ANKRD6: variants seen among roughly 807,000 people sequenced by gnomAD.
The protein encoded by ANKRD6 is ankyrin repeat domain-containing protein 6.
ANKRD6 carries 56 observed loss-of-function variants against 82.3 expected under a neutral mutation model. That is an observed-to-expected ratio of 0.68 (90% CI 0.55 to 0.85). The LOEUF (loss-of-function observed/expected upper bound fraction) is 0.85, where lower values mean the gene tolerates loss of function less well. Among genes scored for constraint, ANKRD6 ranks in the 40% least tolerant of loss-of-function variants. The pLI is 0.00. For synonymous variants in ANKRD6, 347 were observed against 352.1 expected, an observed-to-expected ratio of 0.99 and a Z score of 0.16; for missense variants, 852 against 907.6, an observed-to-expected ratio of 0.94 and a Z score of 0.79.
intron 1 of ANKRD6, among the ~76,000 whole-genome samples, chr6:89,535,479 G>T (rs568320610): frequency 2.0e-5 from 3 of 152,254 alleles, no homozygotes; most frequent in Non-Finnish European, 4.4e-5. Context: ...CAAAAATACT[G>T]TGCTTTGGAT....
At chr6:89,469,834 C>T (rs1775245679) in intron 1 of ANKRD6, among the ~76,000 whole-genome samples, 1 of 152,200 alleles carries the variant, frequency 6.6e-6, no homozygotes, top group Non-Finnish European at 1.5e-5. Context: ...AGCCTGTGCT[C>T]AGTGTGACAT....
At chr6:89,601,664 GAAC>G (rs1181317649) in intron 3 of ANKRD6, 14 of 152,096 alleles carry the variant, frequency 9.2e-5, no homozygotes. Context: ...TTTACTGTCT[GAAC>G]ATATTTACGT....
At chr6:89,446,490 G>A (rs1401711295) in intron 1 of ANKRD6, among the ~76,000 whole-genome samples, 1 of 152,210 alleles carries the variant, frequency 6.6e-6, no homozygotes, top group Non-Finnish European at 1.5e-5. Flanking sequence ...AGTGAGGCAG[G>A]CATGTCAAAA....
At chr6:89,518,343 G>A (rs887423870) in intron 1 of ANKRD6, among the ~76,000 whole-genome samples, 2 of 151,842 alleles carry the variant, frequency 1.3e-5, no homozygotes, top group Non-Finnish European at 2.9e-5. Flanking sequence ...TAGAGGTGGC[G>A]GTGAGCCGAG....
At chr6:89,496,411 A>T (rs546396697) in intron 1 of ANKRD6, among the ~76,000 whole-genome samples, 2 of 152,260 alleles carry the variant, frequency 1.3e-5, no homozygotes, top group East Asian at 3.9e-4. Flanking sequence ...AAACACAGAG[A>T]TGTGGGCAGA....
intron 1 of ANKRD6, among the ~76,000 whole-genome samples, chr6:89,440,325 G>C (rs1051340310): frequency 2.0e-5 from 3 of 152,294 alleles, no homozygotes; most frequent in Non-Finnish European, 4.4e-5. Context: ...CGAATTGTAG[G>C]AAGGCAAATA....
At chr6:89,553,564 G>A (rs564685838) in intron 1 of ANKRD6, among the ~76,000 whole-genome samples, 65 of 152,236 alleles carry the variant, frequency 4.3e-4, no homozygotes, top group African/African-American at 1.5e-3. Flanking sequence ...TTAATTCCCC[G>A]CTAGCAGAGC....
At chr6:89,613,723 TC>T in intron 6 of ANKRD6, 68 bp from the exon 7 acceptor site, 1 of 1,406,310 alleles carries the variant, frequency 7.1e-7, no homozygotes, top group South Asian at 1.2e-5. Context: ...AATAACATTT[TC>T]TTTCTACTTT....
chr6:89,492,884 G>C (rs1415896908), intron 1 of ANKRD6, among the ~76,000 whole-genome samples: 1 of 152,166 alleles, frequency 6.6e-6, no homozygotes, highest in Non-Finnish European at 1.5e-5. Flanking sequence ...AATAGCCGGT[G>C]AAAGTCTTGT....
At chr6:89,626,874 G>A (rs1805858052) in intron 13 of ANKRD6, among the ~76,000 whole-genome samples, 1 of 152,318 alleles carries the variant, frequency 6.6e-6, no homozygotes, top group African/African-American at 2.4e-5. Context: ...ACGTACTTTA[G>A]CTACTTCCAA....
chr6:89,440,672 C>T (rs1771259143), intron 1 of ANKRD6, among the ~76,000 whole-genome samples: 1 of 152,028 alleles, frequency 6.6e-6, no homozygotes, highest in Non-Finnish European at 1.5e-5. Flanking sequence ...ACCTGTAGTC[C>T]CAGCTACTTG....
At chr6:89,543,207 C>T (rs1345924509) in intron 1 of ANKRD6, among the ~76,000 whole-genome samples, 1 of 152,092 alleles carries the variant, frequency 6.6e-6, no homozygotes, top group East Asian at 1.9e-4. Context: ...GTGATGGCTG[C>T]CAGCTATTAT....
chr6:89,607,482 C>T (rs1799006872), intron 5 of ANKRD6, among the ~76,000 whole-genome samples: 1 of 152,044 alleles, frequency 6.6e-6, no homozygotes, highest in Non-Finnish European at 1.5e-5. Context: ...TAGTACATGT[C>T]CCAGTGCTTA....
intron 8 of ANKRD6, 63 bp from the exon 9 acceptor site, chr6:89,617,891 C>A: frequency 1.3e-6 from 2 of 1,513,084 alleles, no homozygotes; most frequent in Non-Finnish European, 1.8e-6. Context: ...GCTGTGCCAG[C>A]TGGGCTATGT....
Position 89,630,615 on chromosome 6 carries a change from C to T in ANKRD6, c.1795C>T (p.Pro599Ser). Residue 599 changes from proline to serine, a missense_variant, in exon 16 of 16, where the codon CCC (proline) becomes TCC (serine). Coordinates refer to ENST00000339746, the MANE Select transcript of ANKRD6 (RefSeq NM_001242809.2). ...RNVKVQTALL[P>S]MNEAARSDQQ... ...CGTCAAGGTCCAGACAGCCTTGCTA[C>T]CCATGAATGAGGCAGCCAGATCTGA... 1 of 1,613,920 alleles carries T rather than the reference C, an allele frequency of 6.2e-7. No homozygotes were observed. Among genetic ancestry groups the T allele is most frequent in the East Asian group, 2.2e-5 (1 of 44,886 alleles).
intron 15 of ANKRD6, among the ~76,000 whole-genome samples, chr6:89,630,148 G>A (rs1435713839): frequency 2.6e-5 from 4 of 152,194 alleles, no homozygotes; most frequent in South Asian, 2.1e-4. Context: ...AGATTGAGGC[G>A]GGCTGAAGGA....
chr6:89,607,226 A>G (rs1798906325), intron 5 of ANKRD6, among the ~76,000 whole-genome samples: 1 of 151,960 alleles, frequency 6.6e-6, no homozygotes, highest in Non-Finnish European at 1.5e-5. Context: ...ACTCTATCCT[A>G]AAAAGGTAAT....
intron 1 of ANKRD6, among the ~76,000 whole-genome samples, chr6:89,490,674 A>G (rs1171460268): frequency 6.6e-6 from 1 of 152,226 alleles, no homozygotes; most frequent in East Asian, 1.9e-4. Flanking sequence ...CTGGAAAAGC[A>G]GCAGGCTGGC....
At chr6:89,576,237 A>G (rs1393790530) in intron 2 of ANKRD6, among the ~76,000 whole-genome samples, 1 of 151,858 alleles carries the variant, frequency 6.6e-6, no homozygotes, top group Admixed American at 6.6e-5. Flanking sequence ...TTTTTAGTAG[A>G]GATGGGGTTT....
Sources: allele counts gnomAD v4.1 joint callset (sites outside exome capture counted in the v4.1 genomes callset), GRCh38; gene constraint gnomAD v4.1.1; transcripts MANE v1.5; gene names NCBI Gene and HGNC (gene_info 2026-07-23, HGNC 2026-07-21).